The following PPM1B variants were observed in gnomAD, a reference collection of about 807,000 sequenced individuals.
The protein encoded by PPM1B is protein phosphatase 1B.
PPM1B carries 22 observed loss-of-function variants against 43.0 expected under a neutral mutation model. The observed-to-expected ratio is 0.51, with a 90% confidence interval of 0.37 to 0.73. The LOEUF (loss-of-function observed/expected upper bound fraction) is 0.73, where lower values mean the gene tolerates loss of function less well. PPM1B is among the 30% of genes least tolerant of loss of function. The probability of loss-of-function intolerance (pLI) is 0.00; values close to 1 mark genes in which losing one functional copy is unlikely to be tolerated. For synonymous variants in PPM1B, 217 were observed against 197.9 expected (o/e 1.10, Z -0.81); for missense variants, 632 against 584.2 (o/e 1.08, Z -0.84).
At chr2:44,224,121 T>C (rs1281298828) in intron 5 of PPM1B, among the ~76,000 whole-genome samples, 1 of 152,090 alleles carries the variant, frequency 6.6e-6, no homozygotes, top group Non-Finnish European at 1.5e-5. Context: ...TTTTTACTAG[T>C]GTTTACTTTT....
In PPM1B at chr2:44,201,275, C is replaced by T; in HGVS notation, c.76C>T (p.Leu26=). 1 of 1,614,044 alleles carries T rather than the reference C, an allele frequency of 6.2e-7. No individual in the cohort carries two copies. Among genetic ancestry groups the T allele is most frequent in the Non-Finnish European group, 8.5e-7 (1 of 1,180,002 alleles). ...HGAGNGLRYG[L]SSMQGWRVEM... is the part of the protein sequence containing the mutation. ...TGCTGGGAATGGTTTACGTTATGGC[C>T]TGAGCAGCATGCAAGGATGGAGAGT... The change falls in exon 2 of 6, where the codon CTG becomes TTG. Residue 26 remains leucine, a synonymous_variant. Coordinates refer to ENST00000282412, the MANE Select transcript of PPM1B (RefSeq NM_002706.6). This position sits in a 1 kb window ranked among gnomAD's most constrained non-coding sequence, Gnocchi z 5.4.
At chr2:44,180,661 A>T (rs1667831320) in intron 1 of PPM1B, among the ~76,000 whole-genome samples, 1 of 151,860 alleles carries the variant, frequency 6.6e-6, no homozygotes. Flanking sequence ...TCCAGGCTAG[A>T]GTGCAGGAGT....
chr2:44,176,603 C>T (rs1667593270), intron 1 of PPM1B, among the ~76,000 whole-genome samples: 1 of 152,172 alleles, frequency 6.6e-6, no homozygotes, highest in South Asian at 2.1e-4. Flanking sequence ...TTTTTGCTTT[C>T]TGTTCTTTCT....
At chr2:44,238,862 A>G (rs1017916458), downstream of PPM1B, among the ~76,000 whole-genome samples, 1 of 152,196 alleles carries the variant, frequency 6.6e-6, no homozygotes, top group Non-Finnish European at 1.5e-5. Flanking sequence ...ATTAAATCCA[A>G]TAACTTTAAA....
At chr2:44,235,682 G>C (rs1249718299), downstream of PPM1B, among the ~76,000 whole-genome samples, 2 of 150,984 alleles carry the variant, frequency 1.3e-5, no homozygotes, top group Admixed American at 1.3e-4. Flanking sequence ...GATTGCTTGA[G>C]GCCAGGAGTT....
chr2:44,221,002 G>C (rs1159242347), intron 5 of PPM1B, among the ~76,000 whole-genome samples: 2 of 152,216 alleles, frequency 1.3e-5, no homozygotes, highest in Non-Finnish European at 2.9e-5. Context: ...CTTGCTAAGA[G>C]ACCAGCCTTT....
chr2:44,217,775 T>C (rs1669789591), intron 3 of PPM1B, 192 bp from the exon 4 acceptor site: 2 of 386,912 alleles, frequency 5.2e-6, no homozygotes, highest in Non-Finnish European at 9.4e-6. Flanking sequence ...TTTTCTTTTT[T>C]CCCCCTGCAT....
At chr2:44,245,816 C>T (rs1380167203), downstream of PPM1B, among the ~76,000 whole-genome samples, 9 of 152,152 alleles carry the variant, frequency 5.9e-5, no homozygotes. Context: ...TGTTGCAATC[C>T]TGCCAAAAAC....
At chr2:44,237,097 G>A (rs76803338), downstream of PPM1B, among the ~76,000 whole-genome samples, 21,840 of 152,138 alleles carry the variant, frequency 0.14, 1,782 homozygotes, top group South Asian at 0.24. Context: ...TTTAAATTCT[G>A]TACTAGAAAA....
exon 6 of PPM1B, chr2:44,244,336 T>A: frequency 5.2e-6 from 7 of 1,358,356 alleles, no homozygotes; most frequent in Non-Finnish European, 6.9e-6. Flanking sequence ...GACAAAAAGG[T>A]TTTTTTGTAA....
intron 1 of PPM1B, among the ~76,000 whole-genome samples, chr2:44,198,025 G>T (rs1668744763): frequency 6.6e-6 from 1 of 152,180 alleles, no homozygotes; most frequent in Non-Finnish European, 1.5e-5. Context: ...ATAGGAAGCA[G>T]ATGGGATTGA....
At chr2:44,176,977 AC>A (rs965728714) in intron 1 of PPM1B, among the ~76,000 whole-genome samples, 7 of 152,038 alleles carry the variant, frequency 4.6e-5, no homozygotes, top group Non-Finnish European at 7.4e-5. Context: ...ACGGGGTTTC[AC>A]CATGTTGGCC....
chr2:44,183,861 C>G (rs1438600794), intron 1 of PPM1B, among the ~76,000 whole-genome samples: 1 of 152,202 alleles, frequency 6.6e-6, no homozygotes, highest in African/African-American at 2.4e-5. Context: ...GCCTCAGCCT[C>G]CAGAGTAGCT....
At chr2:44,202,187 C>G (rs1161749420) in intron 2 of PPM1B, 142 bp downstream of exon 2, 29 of 845,574 alleles carry the variant, frequency 3.4e-5, no homozygotes, top group Non-Finnish European at 4.2e-5. Flanking sequence ...AGAAATGAAA[C>G]CATTGTTTTC....
intron 5 of PPM1B, among the ~76,000 whole-genome samples, chr2:44,242,353 G>T (rs1670768230): frequency 6.6e-6 from 1 of 152,028 alleles, no homozygotes; most frequent in South Asian, 2.1e-4. Flanking sequence ...TAGAACAGTG[G>T]TTACTTTTTT....
chr2:44,173,144 A>G (rs553297242), intron 1 of PPM1B, among the ~76,000 whole-genome samples: 2 of 152,214 alleles, frequency 1.3e-5, no homozygotes, highest in Non-Finnish European at 2.9e-5. Context: ...AGTCCCTACT[A>G]AAAATACAGA....
At chr2:44,176,173 C>G (rs1667572586) in intron 1 of PPM1B, among the ~76,000 whole-genome samples, 1 of 152,008 alleles carries the variant, frequency 6.6e-6, no homozygotes, top group South Asian at 2.1e-4. Context: ...TCAGGTGTTT[C>G]CATTTACTGT....
intron 1 of PPM1B, among the ~76,000 whole-genome samples, chr2:44,186,899 A>G (rs1668151255): frequency 6.6e-6 from 1 of 152,238 alleles, no homozygotes; most frequent in Non-Finnish European, 1.5e-5. Context: ...AAAGCACATA[A>G]TACAACATAA....
At chr2:44,220,409 A>G (rs1669924343) in intron 5 of PPM1B, among the ~76,000 whole-genome samples, 1 of 152,190 alleles carries the variant, frequency 6.6e-6, no homozygotes. Context: ...GTAGCTACAT[A>G]AACAGGGAAT....
Sources: allele counts gnomAD v4.1 joint callset (sites outside exome capture counted in the v4.1 genomes callset), GRCh38; gene constraint gnomAD v4.1.1; non-coding constraint Gnocchi (gnomAD v3.1); transcripts MANE v1.5; gene names NCBI Gene and HGNC (gene_info 2026-07-23, HGNC 2026-07-21).